Variants in KCNH1 observed in about 807,000 individuals in gnomAD.
KCNH1 encodes potassium voltage-gated channel subfamily H member 1, also known as voltage-gated delayed rectifier potassium channel KCNH1.
A neutral mutation model predicts 69.2 loss-of-function variants in KCNH1; 27 were observed. That is an observed-to-expected ratio of 0.39 (90% CI 0.29 to 0.54). The LOEUF is 0.54. Ranked by LOEUF, KCNH1 falls within the 20% of genes least tolerant of loss-of-function variation. The pLI, the probability that KCNH1 is intolerant of heterozygous loss-of-function variation, is 0.68. For synonymous variants in KCNH1, 456 were observed against 487.7 expected (o/e 0.93, Z 0.86); for missense variants, 798 against 1,261.6 (o/e 0.63, Z 5.57).
At chr1:210,900,805 T>C in intron 7 of KCNH1, among the ~76,000 whole-genome samples, 1 of 152,132 alleles carries the variant, frequency 6.6e-6, no homozygotes, top group East Asian at 1.9e-4. Flanking sequence ...TTTCTTTAAA[T>C]CCAGATAGTG....
At position 211,109,992 on chromosome 1, in the gene KCNH1, T is replaced by C. The variant is rs1353040188; in HGVS notation, c.80-2615A>G. 2.8e-5 allele frequency among the ~76,000 whole-genome samples: 4 copies of C among 143,156 alleles called. No homozygotes were observed. In the South Asian group the frequency reaches 8.8e-4, roughly 31 times the overall value. 93.9% of individuals were successfully genotyped at this position (143,156 alleles called of 152,430 possible). A position where few individuals can be genotyped will look rare whatever the true frequency, so the allele number is the denominator to read the frequency against. On this transcript the variant is annotated intron_variant, in intron 1 of 10. Transcript: ENST00000271751. ...TTAGAAGATAAAGTCTTACAGAAAG[T>C]AGTACAGAAAGAGAAAGAGACAAGA...
In KCNH1 at chr1:210,853,946, C is replaced by CAAA. The variant is rs11445997; in HGVS notation, c.1463-49783_1463-49781dup. Among the ~76,000 whole-genome samples, 84 of 61,514 alleles carry CAAA rather than the reference C, an allele frequency of 1.4e-3. 4 individuals carry two copies. Among genetic ancestry groups the CAAA allele is most frequent in the African/African-American group, 3.6e-3 (48 of 13,468 alleles). 40.4% of individuals were successfully genotyped at this position (61,514 alleles called of 152,430 possible). A position where few individuals can be genotyped will look rare whatever the true frequency, so the allele number is the denominator to read the frequency against. On this transcript the variant is annotated intron_variant, in intron 7 of 10. Transcript: ENST00000271751. Reference sequence around the variant, plus strand: ...TAGCAGTAAAAGCATTTATCTAAGCCAAAAAAAAAAAAAAAAAAAAAAGAA... The same window carrying CAAA: ...TAGCAGTAAAAGCATTTATCTAAGCCAAAAAAAAAAAAAAAAAAAAAAAAAGAA...
chr1:210,810,312 TTC>T (rs1004718783), intron 7 of KCNH1, among the ~76,000 whole-genome samples: 6 of 152,274 alleles, frequency 3.9e-5, no homozygotes, highest in African/African-American at 1.2e-4. Flanking sequence ...CCTGTATTTT[TTC>T]TCTCTAGAAA....
chr1:210,961,631 G>C (rs1032485053), intron 6 of KCNH1, among the ~76,000 whole-genome samples: 1 of 151,838 alleles, frequency 6.6e-6, no homozygotes, highest in Non-Finnish European at 1.5e-5. Flanking sequence ...ACCTGAGGTC[G>C]GGAGTTCAAG....
chr1:210,872,717 T>G (rs190029096), intron 7 of KCNH1, among the ~76,000 whole-genome samples: 67 of 152,154 alleles, frequency 4.4e-4, no homozygotes, highest in Non-Finnish European at 7.8e-4. Flanking sequence ...GATAACTCAC[T>G]CACTCACTAT....
intron 10 of KCNH1, among the ~76,000 whole-genome samples, chr1:210,762,077 T>C (rs1683535054): frequency 6.6e-6 from 1 of 152,092 alleles, no homozygotes; most frequent in Non-Finnish European, 1.5e-5. Context: ...AATGAACTCT[T>C]AAAACTACCC....
At chr1:210,982,348 C>A (rs1161033704) in intron 6 of KCNH1, among the ~76,000 whole-genome samples, 2 of 151,856 alleles carry the variant, frequency 1.3e-5, no homozygotes, top group African/African-American at 4.8e-5. Flanking sequence ...TATACATGTG[C>A]CATGTTGGTG....
intron 7 of KCNH1, among the ~76,000 whole-genome samples, chr1:210,917,283 A>G (rs1012467306): frequency 1.4e-5 from 2 of 146,514 alleles, no homozygotes; most frequent in Non-Finnish European, 3.0e-5. Flanking sequence ...AAGAAAGAAA[A>G]GAAAAGAAAG....
intron 10 of KCNH1, among the ~76,000 whole-genome samples, chr1:210,722,030 T>C (rs1682479769): frequency 2.0e-5 from 3 of 152,106 alleles, no homozygotes; most frequent in African/African-American, 7.2e-5. Context: ...CCAGTGGGCA[T>C]GTAGCAGTTT....
Position 211,127,126 on chromosome 1 carries a change from C to A in KCNH1, c.79+6741G>T, listed in dbSNP as rs530874158. ...TAGACCCAGCATCACAAAAGCTGTACTCATTTTGGTATTCCTACTTGTTAG... is the reference window on the plus strand; with the variant it reads ...TAGACCCAGCATCACAAAAGCTGTAATCATTTTGGTATTCCTACTTGTTAG... On this transcript the variant is annotated intron_variant, in intron 1 of 10. Transcript: ENST00000271751. 6.6e-5 allele frequency among the ~76,000 whole-genome samples: 10 copies of A among 152,312 alleles called. No homozygotes were observed. The South Asian group carries it at 2.1e-3, about 32-fold the overall frequency.
At chr1:210,990,999 C>T (rs1482249060) in intron 6 of KCNH1, among the ~76,000 whole-genome samples, 1 of 152,150 alleles carries the variant, frequency 6.6e-6, no homozygotes, top group African/African-American at 2.4e-5. Context: ...AAGGCCCTTA[C>T]TTTGCTCCTT....
At chr1:210,896,755 A>G (rs528468193) in intron 7 of KCNH1, among the ~76,000 whole-genome samples, 1 of 152,350 alleles carries the variant, frequency 6.6e-6, no homozygotes, top group East Asian at 1.9e-4. Context: ...AAAAGGTTGA[A>G]GAAAGAAAAG....
intron 5 of KCNH1, among the ~76,000 whole-genome samples, chr1:211,068,531 G>A (rs1356449883): frequency 2.0e-5 from 3 of 152,142 alleles, no homozygotes; most frequent in Admixed American, 2.0e-4. Flanking sequence ...GAGCAGCTAG[G>A]ACTATAGGCA....
intron 3 of KCNH1, among the ~76,000 whole-genome samples, chr1:211,091,600 G>A (rs1164506388): frequency 6.6e-6 from 1 of 152,204 alleles, no homozygotes. Flanking sequence ...TCCAGAAAAG[G>A]AGGATTCCAA....
At chr1:210,719,511 CAG>C (rs1337363667) in intron 10 of KCNH1, among the ~76,000 whole-genome samples, 3 of 152,044 alleles carry the variant, frequency 2.0e-5, no homozygotes, top group Non-Finnish European at 4.4e-5. Flanking sequence ...CGTATGGACA[CAG>C]GGAGGGTAGC....
chr1:211,114,940 T>C (rs1691539755), intron 1 of KCNH1, among the ~76,000 whole-genome samples: 1 of 151,978 alleles, frequency 6.6e-6, no homozygotes, highest in African/African-American at 2.4e-5. Flanking sequence ...TTGGGGGGTG[T>C]GGGAGTTGGT....
intron 6 of KCNH1, among the ~76,000 whole-genome samples, chr1:210,986,099 T>G (rs1688827575): frequency 6.6e-6 from 1 of 152,234 alleles, no homozygotes; most frequent in Admixed American, 6.5e-5. Flanking sequence ...GAGACTAGGA[T>G]TGCAACCCCT....
At chr1:211,070,428 A>ACACACACACACACAC (rs1289542011) in intron 5 of KCNH1, among the ~76,000 whole-genome samples, 14 of 114,178 alleles carry the variant, frequency 1.2e-4, no homozygotes, top group African/African-American at 4.0e-4. Context: ...TAAAAAAAAA[A>ACACACACACACACAC]AAACACACAC....
intron 10 of KCNH1, among the ~76,000 whole-genome samples, chr1:210,686,351 T>C (rs1681407475): frequency 6.6e-6 from 1 of 152,198 alleles, no homozygotes; most frequent in South Asian, 2.1e-4. Context: ...CCAGCGCAAA[T>C]GCACCTCTTC....
Sources: gnomAD v4.1 joint callset for allele counts (sites outside exome capture counted in the v4.1 genomes callset) on GRCh38, gnomAD v4.1.1 for gene constraint, MANE v1.5 for transcripts, NCBI Gene and HGNC (gene_info 2026-07-23, HGNC 2026-07-21) for gene names.